Variants in TMPRSS11D observed in about 807,000 individuals in gnomAD.
The protein encoded by TMPRSS11D is transmembrane protease serine 11D.
Under a neutral mutation model 44.4 loss-of-function variants are expected in TMPRSS11D, and 32 were observed. That is an observed-to-expected ratio of 0.72 (90% CI 0.54 to 0.97). The LOEUF is 0.97. TMPRSS11D is among the 50% of genes least tolerant of loss of function. TMPRSS11D has a pLI of 0.00. For missense variants in TMPRSS11D, 446 were observed against 502.6 expected, an observed-to-expected ratio of 0.89 and a Z score of 1.08; for synonymous variants, 179 against 177.9, an observed-to-expected ratio of 1.01 and a Z score of -0.05.
intron 1 of TMPRSS11D, among the ~76,000 whole-genome samples, chr4:67,864,185 C>T (rs903746437): frequency 6.6e-6 from 1 of 151,810 alleles, no homozygotes; most frequent in Admixed American, 6.6e-5. Flanking sequence ...ACCTGTTTAC[C>T]GATTTACCTA....
intron 3 of TMPRSS11D, among the ~76,000 whole-genome samples, chr4:67,853,607 C>T (rs1381753304): frequency 6.6e-6 from 1 of 152,174 alleles, no homozygotes; most frequent in Non-Finnish European, 1.5e-5. Flanking sequence ...ACTTGCTTTG[C>T]ATATTTCTGT....
intron 8 of TMPRSS11D, 57 bp downstream of exon 8, chr4:67,827,204 A>C: frequency 6.5e-7 from 1 of 1,531,110 alleles, no homozygotes; most frequent in East Asian, 2.3e-5. Flanking sequence ...TTAAAAAATT[A>C]CCTAATAGCA....
intron 9 of TMPRSS11D, among the ~76,000 whole-genome samples, chr4:67,824,607 A>G (rs1387023533): frequency 2.0e-5 from 3 of 152,176 alleles, no homozygotes; most frequent in Non-Finnish European, 4.4e-5. Flanking sequence ...CTCCACCTAC[A>G]CACAACTTGC....
chr4:67,842,698 A>G (rs753720518), intron 3 of TMPRSS11D, 73 bp from the exon 4 acceptor site: 1 of 1,346,786 alleles, frequency 7.4e-7, no homozygotes, highest in Non-Finnish European at 1.0e-6. Context: ...ACCTTGCAAC[A>G]TGAGACATGT....
chr4:67,876,021 T>G (rs1001957211), intron 1 of TMPRSS11D, among the ~76,000 whole-genome samples: 2 of 152,224 alleles, frequency 1.3e-5, no homozygotes, highest in Admixed American at 1.3e-4. Flanking sequence ...AAAAAGAGAT[T>G]TCTTTCTGTC....
chr4:67,832,993 TA>T (rs1447052081), intron 7 of TMPRSS11D, among the ~76,000 whole-genome samples: 3 of 152,194 alleles, frequency 2.0e-5, no homozygotes, highest in Non-Finnish European at 4.4e-5. Context: ...TTTACTGTGC[TA>T]ATATATTATT....
At chr4:67,824,735 A>C (rs908420188) in intron 9 of TMPRSS11D, among the ~76,000 whole-genome samples, 5 of 152,176 alleles carry the variant, frequency 3.3e-5, no homozygotes, top group African/African-American at 9.6e-5. Context: ...TATGAAAGTC[A>C]GTGACCTTTT....
chr4:67,855,807 ACT>A (rs1471578930), intron 2 of TMPRSS11D, among the ~76,000 whole-genome samples: 1 of 152,082 alleles, frequency 6.6e-6, no homozygotes, highest in Non-Finnish European at 1.5e-5. Context: ...AAACCTAAAG[ACT>A]CCACCAAAAA....
At chr4:67,851,329 A>G (rs1340687740) in intron 3 of TMPRSS11D, among the ~76,000 whole-genome samples, 1 of 152,250 alleles carries the variant, frequency 6.6e-6, no homozygotes, top group Middle Eastern at 3.2e-3. Context: ...ACAACTGGGG[A>G]TCCAGATCTC....
chr4:67,873,771 T>G (rs1719114199), intron 1 of TMPRSS11D, among the ~76,000 whole-genome samples: 2 of 152,148 alleles, frequency 1.3e-5, no homozygotes, highest in Admixed American at 1.3e-4. Flanking sequence ...GCAAGGGTTC[T>G]AGATACAATT....
intron 2 of TMPRSS11D, among the ~76,000 whole-genome samples, chr4:67,857,968 G>A (rs1285584689): frequency 6.6e-6 from 1 of 151,760 alleles, no homozygotes; most frequent in East Asian, 1.9e-4. Flanking sequence ...AATATCACAT[G>A]TATTCCAGAA....
intron 1 of TMPRSS11D, among the ~76,000 whole-genome samples, chr4:67,872,544 T>C (rs774120857): frequency 6.6e-6 from 1 of 152,248 alleles, no homozygotes; most frequent in African/African-American, 2.4e-5. Flanking sequence ...TGCACATCTC[T>C]GTACATATAC....
chr4:67,868,957 C>T (rs1201282460), intron 1 of TMPRSS11D, among the ~76,000 whole-genome samples: 1 of 152,180 alleles, frequency 6.6e-6, no homozygotes, highest in Non-Finnish European at 1.5e-5. Context: ...TAGAACCATT[C>T]CCTGCTAGAG....
intron 3 of TMPRSS11D, 88 bp from the exon 4 acceptor site, chr4:67,842,713 G>T: frequency 8.3e-7 from 1 of 1,206,028 alleles, no homozygotes; most frequent in Non-Finnish European, 1.2e-6. Flanking sequence ...ACATGTTAAT[G>T]AGGAGTAGAA....
intron 1 of TMPRSS11D, among the ~76,000 whole-genome samples, chr4:67,866,557 A>G (rs773278578): frequency 2.0e-5 from 3 of 151,536 alleles, no homozygotes; most frequent in Admixed American, 1.3e-4. Flanking sequence ...AATTATCTCT[A>G]CTGACAATAT....
At chr4:67,828,731 C>A (rs139806920) in intron 7 of TMPRSS11D, among the ~76,000 whole-genome samples, 1,696 of 152,124 alleles carry the variant, frequency 0.011, 12 homozygotes, top group Non-Finnish European at 0.019. Context: ...TGAAATATGG[C>A]TTTACTAATA....
chr4:67,855,523 A>T (rs1052800127), intron 2 of TMPRSS11D, among the ~76,000 whole-genome samples: 1 of 152,134 alleles, frequency 6.6e-6, no homozygotes, highest in African/African-American at 2.4e-5. Context: ...AGAACTCTCA[A>T]CAAACTAGGC....
chr4:67,874,109 A>G (rs746884543), intron 1 of TMPRSS11D, among the ~76,000 whole-genome samples: 1 of 152,166 alleles, frequency 6.6e-6, no homozygotes, highest in Non-Finnish European at 1.5e-5. Flanking sequence ...AATTGCCTAC[A>G]GTATTCAGTA....
intron 1 of TMPRSS11D, among the ~76,000 whole-genome samples, chr4:67,870,879 A>G (rs1458842978): frequency 1.3e-5 from 2 of 151,338 alleles, no homozygotes; most frequent in Non-Finnish European, 2.9e-5. Flanking sequence ...ATTATTTTGC[A>G]GTACACTTAT....
Sources: gnomAD v4.1 joint callset for allele counts (sites outside exome capture counted in the v4.1 genomes callset) on GRCh38, gnomAD v4.1.1 for gene constraint, MANE v1.5 for transcripts, NCBI Gene and HGNC (gene_info 2026-07-23, HGNC 2026-07-21) for gene names.